Variants in SOX6 observed in about 807,000 individuals in gnomAD.
SOX6 encodes the protein SRY-box transcription factor 6.
In SOX6, 11 loss-of-function variants were observed where a neutral mutation model predicts 97.8. The ratio of observed to expected loss-of-function variants is 0.11; its 90% CI spans 0.07 to 0.19. The LOEUF (loss-of-function observed/expected upper bound fraction) is 0.19. Among genes scored for constraint, SOX6 ranks in the 10% least tolerant of loss-of-function variants. The pLI is 1.00. For missense variants in SOX6, 810 were observed against 1,039.5 expected (o/e 0.78, Z 3.04); for synonymous variants, 360 against 371.4 (o/e 0.97, Z 0.35).
At chr11:16,546,740 C>T (rs1239538412) in intron 4 of SOX6, among the ~76,000 whole-genome samples, 3 of 151,932 alleles carry the variant, frequency 2.0e-5, no homozygotes, top group Non-Finnish European at 4.4e-5. Flanking sequence ...GCACAGGCAA[C>T]AAAAACAAAA....
At chr11:16,165,029 C>A (rs959517416) in intron 6 of SOX6, among the ~76,000 whole-genome samples, 1 of 151,984 alleles carries the variant, frequency 6.6e-6, no homozygotes, top group Non-Finnish European at 1.5e-5. Flanking sequence ...ACTAAAATAA[C>A]AAATAGTAAA....
At chr11:16,243,494 T>C (rs765994864) in intron 3 of SOX6, among the ~76,000 whole-genome samples, 1 of 151,902 alleles carries the variant, frequency 6.6e-6, no homozygotes, top group Non-Finnish European at 1.5e-5. Context: ...CAAGCAGCTA[T>C]AAAACTAGTT....
At chr11:16,479,332 C>A (rs943466597), upstream of SOX6, among the ~76,000 whole-genome samples, 6 of 152,082 alleles carry the variant, frequency 3.9e-5, no homozygotes, top group African/African-American at 1.4e-4. Flanking sequence ...GAGTTTGATA[C>A]CAGCCTGGCC....
At chr11:16,288,352 G>C (rs1206428593) in intron 3 of SOX6, among the ~76,000 whole-genome samples, 2 of 151,926 alleles carry the variant, frequency 1.3e-5, no homozygotes, top group Non-Finnish European at 1.5e-5. Context: ...TGGTGAACCT[G>C]CTCTTTTTAT....
chr11:16,357,750 C>T (rs188863947), upstream of SOX6, among the ~76,000 whole-genome samples: 54 of 152,242 alleles, frequency 3.5e-4, no homozygotes, highest in Middle Eastern at 6.8e-3. Context: ...CAAAATAATA[C>T]GGATTCTTTT....
chr11:16,258,830 TAC>T (rs138627095), intron 3 of SOX6, among the ~76,000 whole-genome samples: 49 of 149,794 alleles, frequency 3.3e-4, no homozygotes, highest in Middle Eastern at 3.5e-3. Flanking sequence ...TACATGTATA[TAC>T]ACACACACAC....
chr11:16,238,227 A>C (rs780484322), intron 3 of SOX6, among the ~76,000 whole-genome samples: 41 of 152,018 alleles, frequency 2.7e-4, no homozygotes, highest in Non-Finnish European at 3.8e-4. Flanking sequence ...GTTTTGATGT[A>C]TTATAAATTA....
chr11:16,014,882 T>TTTTGGAAA, intron 13 of SOX6, 60 bp downstream of exon 13: 1 of 1,480,408 alleles, frequency 6.8e-7, no homozygotes, highest in Non-Finnish European at 9.4e-7. Context: ...TATATCTAGC[T>TTTTGGAAA]CAGACACACA....
At chr11:16,000,370 A>C (rs1045650458) in intron 13 of SOX6, among the ~76,000 whole-genome samples, 4 of 152,180 alleles carry the variant, frequency 2.6e-5, no homozygotes, top group Non-Finnish European at 5.9e-5. Flanking sequence ...ATCTTTTATA[A>C]AAATTACCTA....
chr11:16,427,792 G>A (rs1859178278), intron 1 of SOX6, among the ~76,000 whole-genome samples: 1 of 152,142 alleles, frequency 6.6e-6, no homozygotes, highest in African/African-American at 2.4e-5. Flanking sequence ...ATAAACATAT[G>A]TGTGCATGTG....
At chr11:16,734,630 C>CCCATATTT (rs1434131570) in intron 2 of SOX6, among the ~76,000 whole-genome samples, 1 of 152,104 alleles carries the variant, frequency 6.6e-6, no homozygotes, top group African/African-American at 2.4e-5. Flanking sequence ...AACTTTGAAG[C>CCCATATTT]CCATATTTTT....
chr11:16,728,258 C>G (rs1848322583), intron 2 of SOX6, among the ~76,000 whole-genome samples: 1 of 152,302 alleles, frequency 6.6e-6, no homozygotes, highest in South Asian at 2.1e-4. Flanking sequence ...TCAAGTGGGT[C>G]CCTGACCCCA....
Position 15,967,788 on chromosome 11 carries a change from G to A in SOX6, c.*5021C>T, listed in dbSNP as rs930992883. ...TATGCTTGTGGTTCTTCAGGAATAA[G>A]AAACTACTGAGCAAGATATGTCACT... is the stretch of plus-strand genomic sequence containing the variant. On this transcript the variant is annotated 3_prime_UTR_variant, in exon 16 of 16. Coordinates refer to ENST00000683767, the MANE Select transcript of SOX6 (RefSeq NM_001367873.1). 1.3e-5 allele frequency: 2 copies of A among 152,174 alleles called. No individual in the cohort carries two copies. Among genetic ancestry groups the A allele is most frequent in the Non-Finnish European group, 2.9e-5 (2 of 68,032 alleles). 9.4% of individuals were successfully genotyped at this position (152,174 alleles called of 1,614,324 possible). A position where few individuals can be genotyped will look rare whatever the true frequency, so the allele number is the denominator to read the frequency against.
chr11:16,249,990 T>C lies in SOX6; in HGVS notation c.446-15319A>G, dbSNP rs116066334. 8.7e-4 allele frequency among the ~76,000 whole-genome samples: 132 copies of C among 152,300 alleles called. 1 individual carries two copies. The highest frequency in any genetic ancestry group is 3.0e-3 in the African/African-American group (125 of 41,560). The stretch of plus-strand genomic sequence containing the variant: ...ACTTTTTTAAAAGACAGTTTAGGGG[T>C]TTCCCCACTAAGTTTCTATAATATT... On this transcript the variant is annotated intron_variant, in intron 3 of 15. Transcript: ENST00000683767.
intron 4 of SOX6, among the ~76,000 whole-genome samples, chr11:16,201,850 G>C (rs1851950048): frequency 6.7e-6 from 1 of 148,966 alleles, no homozygotes; most frequent in African/African-American, 2.5e-5. Flanking sequence ...AGCCGGGATG[G>C]TCTCGATCTC....
chr11:16,699,654 G>A (rs1343586717), intron 3 of SOX6, among the ~76,000 whole-genome samples: 2 of 151,946 alleles, frequency 1.3e-5, no homozygotes, highest in Admixed American at 1.3e-4. Flanking sequence ...ACTAGATACT[G>A]TGTTAGACAC....
intron 3 of SOX6, among the ~76,000 whole-genome samples, chr11:16,686,983 G>C (rs1020219096): frequency 1.3e-5 from 2 of 152,002 alleles, no homozygotes; most frequent in African/African-American, 4.8e-5. Context: ...AAATTAGCCA[G>C]GCGTGGTGGC....
At chr11:16,350,787 T>C (rs1039052846) in intron 1 of SOX6, among the ~76,000 whole-genome samples, 1 of 152,134 alleles carries the variant, frequency 6.6e-6, no homozygotes, top group Admixed American at 6.6e-5. Context: ...TAATTCTGTA[T>C]ATTTCATGAG....
intron 3 of SOX6, among the ~76,000 whole-genome samples, chr11:16,663,230 G>A (rs1323976232): frequency 1.3e-5 from 2 of 152,082 alleles, no homozygotes; most frequent in Admixed American, 6.6e-5. Flanking sequence ...GAAGGTCTTA[G>A]CCATTACAAT....
Sources: allele counts gnomAD v4.1 joint callset (sites outside exome capture counted in the v4.1 genomes callset), GRCh38; gene constraint gnomAD v4.1.1; transcripts MANE v1.5; gene names NCBI Gene and HGNC (gene_info 2026-07-23, HGNC 2026-07-21).